ITFG2: variants seen among roughly 807,000 people sequenced by gnomAD.
The protein encoded by ITFG2 is KICSTOR complex protein ITFG2.
Under a neutral mutation model 54.4 loss-of-function variants are expected in ITFG2, and 36 were observed. The ratio of observed to expected loss-of-function variants is 0.66; its 90% CI spans 0.51 to 0.87. The LOEUF (loss-of-function observed/expected upper bound fraction) is 0.87, where lower values mean the gene tolerates loss of function less well. ITFG2 is among the 40% of genes least tolerant of loss of function. The pLI is 0.00. For synonymous variants in ITFG2, 211 were observed against 225.4 expected (o/e 0.94, Z 0.57); for missense variants, 524 against 576.7 (o/e 0.91, Z 0.94).
At chr12:2,837,527 C>CT (rs1288430180) in intron 1 of ITFG2, among the ~76,000 whole-genome samples, 1 of 151,826 alleles carries the variant, frequency 6.6e-6, no homozygotes, top group Admixed American at 6.6e-5. Context: ...ATCCCAACTA[C>CT]TTGGGAGGCT....
At chr12:2,854,915 G>A (rs2098082445) in intron 2 of ITFG2, 3 of 1,534,578 alleles carry the variant, frequency 2.0e-6, no homozygotes, top group Admixed American at 3.9e-5. Context: ...CTCGCTGGCG[G>A]CTGGATGTTG....
intron 10 of ITFG2, among the ~76,000 whole-genome samples, chr12:2,823,200 C>T (rs1425029739): frequency 1.3e-5 from 2 of 152,210 alleles, no homozygotes; most frequent in Non-Finnish European, 2.9e-5. Context: ...GTAACATCTC[C>T]ACCCCGAATA....
intron 5 of ITFG2, 69 bp from the exon 6 acceptor site, chr12:2,820,655 C>CCCCCCCCT: frequency 9.6e-7 from 1 of 1,045,932 alleles, no homozygotes; most frequent in Non-Finnish European, 1.4e-6. Flanking sequence ...CCCACCGCCC[C>CCCCCCCCT]CTGCCGTTCT....
intron 2 of ITFG2, among the ~76,000 whole-genome samples, chr12:2,848,551 C>T (rs1473648387): frequency 6.6e-6 from 1 of 152,134 alleles, no homozygotes; most frequent in Non-Finnish European, 1.5e-5. Context: ...TGAAGTTCTA[C>T]TTTGTTCTAC....
chr12:2,838,199 G>A (rs1021815029), intron 1 of ITFG2, among the ~76,000 whole-genome samples: 8 of 152,138 alleles, frequency 5.3e-5, no homozygotes, highest in African/African-American at 1.9e-4. Context: ...ATCTATAATT[G>A]ATAGATTATT....
chr12:2,823,684 G>T, intron 10 of ITFG2, 86 bp from the exon 11 acceptor site: 1 of 1,445,154 alleles, frequency 6.9e-7, no homozygotes, highest in South Asian at 1.6e-5. Flanking sequence ...GGAAAGTGCT[G>T]ACTCGGAGGT....
chr12:2,822,925 C>G lies in ITFG2; in HGVS notation c.1066+14C>G, dbSNP rs371319214. 70 of 1,598,012 alleles carry G rather than the reference C, an allele frequency of 4.4e-5. 1 individual carries two copies. Among genetic ancestry groups the G allele is most frequent in the East Asian group, 3.1e-4 (14 of 44,820 alleles). ...CCTTCTGTGCAGGTGACCCCCGCCC[C>G]CATGGCCCCTTTCTAACCACACTTA... On this transcript the variant is annotated intron_variant, in intron 10 of 11. Coordinates refer to ENST00000228799, the MANE Select transcript of ITFG2 (RefSeq NM_018463.4).
At chr12:2,819,032 G>A (rs2097932872) in intron 4 of ITFG2, among the ~76,000 whole-genome samples, 1 of 151,440 alleles carries the variant, frequency 6.6e-6, no homozygotes, top group African/African-American at 2.4e-5. Flanking sequence ...AAGAAAATAA[G>A]TGCAGCCGAC....
rs2098061508 is a variant in ITFG2 at position 2,849,022 on chromosome 12, A to G, written n.300+8027A>G. ...TCCCACCTTCGATGAGAGTCCTCCA[A>G]GGAAGAAATATAACAATTTAGAATT... On this transcript the variant is annotated intron_variant and non_coding_transcript_variant, in intron 2 of 3. Transcript: ENST00000537710. 4 of 594,324 alleles carry G rather than the reference A, an allele frequency of 6.7e-6. No individual in the cohort carries two copies. In the East Asian group the frequency reaches 9.0e-5, roughly 13 times the overall value. The allele number at this position is 594,324 out of a possible 1,614,324, so 36.8% of individuals were successfully genotyped here.
chr12:2,812,837 G>A lies in ITFG2; in HGVS notation c.77G>A (p.Gly26Glu). 1.2e-6 allele frequency: 2 copies of A among 1,612,576 alleles called. No homozygotes were observed. The highest frequency in any genetic ancestry group is 1.7e-6 in the Non-Finnish European group (2 of 1,178,988). The change falls in exon 1 of 12, where the codon GGA (glycine) becomes GAA (glutamate). Residue 26 changes from glycine (G) to glutamate (E), a missense_variant. Transcript: ENST00000228799. ...CTCTTCCCGCACGCAATCTGCCTCG[G>A]AGACGTTGATAACGATACGGTAGGT... The part of the protein sequence containing the change: ...GSLFPHAICL[G>E]DVDNDTLNEL...
Position 2,845,296 on chromosome 12 carries a change from C to G in ITFG2, n.300+4301C>G, listed in dbSNP as rs745661697. On this transcript the variant is annotated intron_variant and non_coding_transcript_variant, in intron 2 of 3. Transcript: ENST00000537710. The surrounding 1 kb of genome is among the most constrained non-coding windows in gnomAD (Gnocchi z 4.2). ...GGATCTTGGCTCGAGTTTGTCATCTCAAGGAGCAGCTATGGGGCTTTTTGA... is the reference window on the plus strand; with the variant it reads ...GGATCTTGGCTCGAGTTTGTCATCTGAAGGAGCAGCTATGGGGCTTTTTGA... 6.6e-6 allele frequency among the ~76,000 whole-genome samples: 1 copy of G among 152,072 alleles called. No homozygotes were observed. The highest frequency in any genetic ancestry group is 2.1e-4 in the South Asian group (1 of 4,824).
upstream of ITFG2, chr12:2,834,951 C>G: frequency 6.3e-7 from 1 of 1,591,894 alleles, no homozygotes. Flanking sequence ...AGGAGGGTCT[C>G]CACGGGAGGG....
rs2097938469 is a variant in ITFG2, at chr12:2,820,180, G to C, written c.501G>C (p.Leu167=). 4 of 1,613,622 alleles carry C rather than the reference G, an allele frequency of 2.5e-6. No individual in the cohort carries two copies. In the East Asian group the frequency reaches 8.9e-5, roughly 36 times the overall value. ...WEELGEGPEH[L]TGQLVSLKKW... ...AGCTAGGTGAGGGTCCTGAACATCT[G>C]ACAGGGCAGCTGGTGTCCCTCAAGA... The change falls in exon 5 of 12, where the codon CTG becomes CTC. Residue 167 remains leucine, a synonymous_variant. Transcript: ENST00000228799.
intron 2 of ITFG2, among the ~76,000 whole-genome samples, chr12:2,843,179 T>C (rs1422731190): frequency 6.6e-6 from 1 of 152,176 alleles, no homozygotes; most frequent in Non-Finnish European, 1.5e-5. Flanking sequence ...CTTGAACCCG[T>C]GGAGGGTTAA....
At chr12:2,829,271 G>A (rs1292129026), downstream of ITFG2, among the ~76,000 whole-genome samples, 2 of 150,246 alleles carry the variant, frequency 1.3e-5, no homozygotes, top group Non-Finnish European at 2.9e-5. Context: ...GGAAACAAAG[G>A]AAGACAACTT....
At chr12:2,827,156 CTCT>C (rs764460846), downstream of ITFG2, 7 of 1,612,846 alleles carry the variant, frequency 4.3e-6, no homozygotes, top group Non-Finnish European at 5.9e-6. The surrounding 1 kb of genome is among the most constrained non-coding windows in gnomAD (Gnocchi z 4.0). Context: ...CCCCACACGC[CTCT>C]TCTTCTAAGG....
intron 2 of ITFG2, among the ~76,000 whole-genome samples, chr12:2,852,827 G>A (rs994008789): frequency 6.6e-6 from 1 of 151,912 alleles, no homozygotes; most frequent in African/African-American, 2.4e-5. Context: ...GAGAAACCCC[G>A]TCTCTACTAA....
intron 2 of ITFG2, chr12:2,855,127 C>T: frequency 6.5e-7 from 1 of 1,533,680 alleles, no homozygotes; most frequent in Non-Finnish European, 8.7e-7. Flanking sequence ...GGGGGGGCAT[C>T]TGTGGGCATT....
downstream of ITFG2, chr12:2,825,210 C>T (rs1050864819): frequency 6.6e-6 from 1 of 152,204 alleles, no homozygotes; most frequent in Non-Finnish European, 1.5e-5. Context: ...TCAAATTCCT[C>T]TCAATTATAC....
Sources: gnomAD v4.1 joint callset for allele counts (sites outside exome capture counted in the v4.1 genomes callset) on GRCh38, gnomAD v4.1.1 for gene constraint, Gnocchi (gnomAD v3.1) non-coding constraint, MANE v1.5 for transcripts, NCBI Gene and HGNC (gene_info 2026-07-23, HGNC 2026-07-21) for gene names.